LDB2: variants seen among roughly 807,000 people sequenced by gnomAD.
LDB2 encodes LIM domain-binding protein 2.
In LDB2, 12 loss-of-function variants were observed where a neutral mutation model predicts 44.3. The observed-to-expected ratio is 0.27, with a 90% confidence interval of 0.17 to 0.44. The LOEUF (loss-of-function observed/expected upper bound fraction) is 0.44. LDB2 is among the 20% of genes least tolerant of loss of function. The pLI is 1.00. For missense variants in LDB2, 344 were observed against 473.5 expected (o/e 0.73, Z 2.54); for synonymous variants, 164 against 174.8 (o/e 0.94, Z 0.49).
intron 1 of LDB2, among the ~76,000 whole-genome samples, chr4:16,852,383 C>T (rs942682288): frequency 2.0e-5 from 3 of 152,098 alleles, no homozygotes; most frequent in African/African-American, 4.8e-5. Context: ...CTTTCTTTTC[C>T]CTTCATACAC....
intron 2 of LDB2, among the ~76,000 whole-genome samples, chr4:16,731,180 T>A (rs1760670692): frequency 1.3e-5 from 2 of 152,126 alleles, no homozygotes; most frequent in Non-Finnish European, 2.9e-5. Flanking sequence ...GGGAGGTAGT[T>A]GTTAGAACTG....
At chr4:16,748,517 T>A (rs926535530) in intron 2 of LDB2, among the ~76,000 whole-genome samples, 1 of 152,190 alleles carries the variant, frequency 6.6e-6, no homozygotes, top group African/African-American at 2.4e-5. Flanking sequence ...CATCTGAACA[T>A]TGCTTAATAC....
chr4:16,868,886 A>G (rs1433568862), intron 1 of LDB2, among the ~76,000 whole-genome samples: 1 of 152,110 alleles, frequency 6.6e-6, no homozygotes, highest in Non-Finnish European at 1.5e-5. Context: ...TTTGGTGATG[A>G]TGATGATGTT....
At chr4:16,638,686 C>T (rs938691094) in intron 2 of LDB2, among the ~76,000 whole-genome samples, 9 of 152,160 alleles carry the variant, frequency 5.9e-5, no homozygotes, top group Non-Finnish European at 1.0e-4. Context: ...ATTCATTCAG[C>T]AAAAACATAT....
At chr4:16,514,318 A>G (rs1314718364) in intron 5 of LDB2, among the ~76,000 whole-genome samples, 1 of 152,232 alleles carries the variant, frequency 6.6e-6, no homozygotes, top group Non-Finnish European at 1.5e-5. Context: ...AAGAAAAGGA[A>G]TCACACTTTT....
intron 5 of LDB2, among the ~76,000 whole-genome samples, chr4:16,553,258 T>A (rs1184583587): frequency 2.0e-5 from 3 of 152,154 alleles, no homozygotes; most frequent in Non-Finnish European, 4.4e-5. Flanking sequence ...GCCCAAGTGA[T>A]CTTCCCACTT....
At chr4:16,743,725 C>T (rs925131268) in intron 2 of LDB2, among the ~76,000 whole-genome samples, 1 of 152,094 alleles carries the variant, frequency 6.6e-6, no homozygotes, top group African/African-American at 2.4e-5. Flanking sequence ...CAGAAACCTC[C>T]ATCGTACCAC....
At chr4:16,802,980 G>C (rs1778134464) in intron 1 of LDB2, among the ~76,000 whole-genome samples, 1 of 152,176 alleles carries the variant, frequency 6.6e-6, no homozygotes, top group Non-Finnish European at 1.5e-5. Context: ...ACTGGAGCCA[G>C]AGACCCCTCG....
At position 16,524,205 on chromosome 4, in the gene LDB2, C is replaced by T. The variant is rs145426979; in HGVS notation, c.616-12101G>A. ...GTATTTATCAGGCACCTTCTATATGCTCAGGAAGGAGAGTGGCACTCGGGA... is the reference window on the plus strand; with the variant it reads ...GTATTTATCAGGCACCTTCTATATGTTCAGGAAGGAGAGTGGCACTCGGGA... On this transcript the variant is annotated intron_variant, in intron 5 of 7. Transcript: ENST00000304523. Among the ~76,000 whole-genome samples, 55 of 152,288 alleles carry T rather than the reference C, an allele frequency of 3.6e-4. No individual in the cohort carries two copies. The East Asian group carries it at 0.01, about 28-fold the overall frequency.
rs150124352 is a variant in LDB2 at position 16,640,297 on chromosome 4, G to A, written c.236-44422C>T. On this transcript the variant is annotated intron_variant, in intron 2 of 7. Transcript: ENST00000304523. Reference sequence around the variant, plus strand: ...CTAATAGTTTTTTGGTGAAGGAGGTGGGTAATAGAGAACTGTAATATAAGC... The same window carrying A: ...CTAATAGTTTTTTGGTGAAGGAGGTAGGTAATAGAGAACTGTAATATAAGC... 6.6e-4 allele frequency among the ~76,000 whole-genome samples: 101 copies of A among 152,248 alleles called. 1 individual carries two copies. Among genetic ancestry groups the A allele is most frequent in the Non-Finnish European group, 1.3e-3 (86 of 68,014 alleles).
At chr4:16,823,217 C>T (rs143520204) in intron 1 of LDB2, among the ~76,000 whole-genome samples, 1,835 of 152,326 alleles carry the variant, frequency 0.012, 23 homozygotes, top group Middle Eastern at 0.031. Context: ...TACAAAGCCT[C>T]ATTTTACAGA....
At chr4:16,750,071 T>C (rs753637637) in intron 2 of LDB2, among the ~76,000 whole-genome samples, 10 of 152,234 alleles carry the variant, frequency 6.6e-5, no homozygotes, top group African/African-American at 1.7e-4. Context: ...ATATACTTGG[T>C]GAAATTATTA....
At chr4:16,542,101 TGG>T (rs71649965) in intron 5 of LDB2, among the ~76,000 whole-genome samples, 3 of 83,652 alleles carry the variant, frequency 3.6e-5, no homozygotes, top group African/African-American at 1.6e-4. Flanking sequence ...CATCAGGTGG[TGG>T]GGGGGGGGGC....
intron 1 of LDB2, among the ~76,000 whole-genome samples, chr4:16,837,928 A>G (rs1785167826): frequency 6.6e-6 from 1 of 152,232 alleles, no homozygotes; most frequent in Non-Finnish European, 1.5e-5. Flanking sequence ...GTGCACATGC[A>G]CTGAATTCTG....
intron 2 of LDB2, among the ~76,000 whole-genome samples, chr4:16,710,470 C>A (rs767677575): frequency 6.6e-6 from 1 of 152,084 alleles, no homozygotes; most frequent in Non-Finnish European, 1.5e-5. Flanking sequence ...GTGAAAATTA[C>A]TGAGAGTTTG....
At chr4:16,574,269 A>G (rs1320024862) in intron 5 of LDB2, among the ~76,000 whole-genome samples, 6 of 152,212 alleles carry the variant, frequency 3.9e-5, no homozygotes, top group Non-Finnish European at 7.3e-5. Context: ...AGACTTACTT[A>G]ACAATAACAA....
chr4:16,672,335 C>A (rs1393510671), intron 2 of LDB2, among the ~76,000 whole-genome samples: 1 of 152,166 alleles, frequency 6.6e-6, no homozygotes, highest in African/African-American at 2.4e-5. Flanking sequence ...GTCTCCAATA[C>A]CCACATTCTC....
Position 16,510,794 on chromosome 4 carries a change from C to T in LDB2, c.739+1187G>A, listed in dbSNP as rs560228007. 8.5e-5 allele frequency among the ~76,000 whole-genome samples: 13 copies of T among 152,238 alleles called. No homozygotes were observed. In the South Asian group the frequency reaches 2.5e-3, roughly 29 times the overall value. On this transcript the variant is annotated intron_variant, in intron 6 of 7. Transcript: ENST00000304523. The stretch of plus-strand genomic sequence containing the variant: ...TTGCATGCTTTATTCAGTTTTGTAA[C>T]TCCCAGTGGCTAGAACCACGTCTGG...
At chr4:16,567,343 C>T (rs901231077) in intron 5 of LDB2, among the ~76,000 whole-genome samples, 5 of 152,046 alleles carry the variant, frequency 3.3e-5, no homozygotes, top group African/African-American at 1.2e-4. Flanking sequence ...TGCCACTGCT[C>T]AACGGTTAGC....
Sources: gnomAD v4.1 joint callset for allele counts (sites outside exome capture counted in the v4.1 genomes callset) on GRCh38, gnomAD v4.1.1 for gene constraint, MANE v1.5 for transcripts, NCBI Gene and HGNC (gene_info 2026-07-23, HGNC 2026-07-21) for gene names.